The following TMTC2 variants were observed in gnomAD, a reference collection of about 807,000 sequenced individuals.
TMTC2 encodes the protein transmembrane O-mannosyltransferase targeting cadherins 2, also known as protein O-mannosyl-transferase TMTC2.
Under a neutral mutation model 82.4 loss-of-function variants are expected in TMTC2, and 43 were observed. That is an observed-to-expected ratio of 0.52 (90% confidence interval 0.41 to 0.67). The LOEUF (loss-of-function observed/expected upper bound fraction) is 0.67, where lower values mean the gene tolerates loss of function less well. Among genes scored for constraint, TMTC2 ranks in the 30% least tolerant of loss-of-function variants. TMTC2 has a pLI of 0.00. For missense variants in TMTC2, 919 were observed against 1,012.4 expected, an observed-to-expected ratio of 0.91 and a Z score of 1.25; for synonymous variants, 408 against 381.9, an observed-to-expected ratio of 1.07 and a Z score of -0.80.
chr12:82,848,964 G>A lies in TMTC2; in HGVS notation c.84-8046G>A, dbSNP rs570339361. Among the ~76,000 whole-genome samples, 17 of 152,280 alleles carry A rather than the reference G, an allele frequency of 1.1e-4. No homozygotes were observed. In the East Asian group the frequency reaches 2.5e-3, roughly 22 times the overall value. On this transcript the variant is annotated intron_variant, in intron 1 of 11. Coordinates refer to ENST00000321196, the MANE Select transcript of TMTC2 (RefSeq NM_152588.3). ...TAGAGGGGGAAAAGAAATGGTTTGAGCGGCAGCATAGAGGAAGGGAAGTTT... is the reference window on the plus strand; with the variant it reads ...TAGAGGGGGAAAAGAAATGGTTTGAACGGCAGCATAGAGGAAGGGAAGTTT...
At chr12:83,036,468 G>A (rs967908126) in intron 9 of TMTC2, among the ~76,000 whole-genome samples, 2 of 143,110 alleles carry the variant, frequency 1.4e-5, no homozygotes, top group Admixed American at 1.4e-4. Flanking sequence ...ATGTTTTCTT[G>A]TCCCCGAGTC....
chr12:82,717,976 G>A (rs1413560140), intron 1 of TMTC2, among the ~76,000 whole-genome samples: 2 of 152,134 alleles, frequency 1.3e-5, no homozygotes, highest in Non-Finnish European at 2.9e-5. Context: ...ATGAAACCAA[G>A]TAGCAGGAGC....
intron 4 of TMTC2, among the ~76,000 whole-genome samples, chr12:82,936,155 G>T (rs1344073261): frequency 6.6e-6 from 1 of 151,820 alleles, no homozygotes; most frequent in Non-Finnish European, 1.5e-5. Context: ...AATATTAATG[G>T]TCAATATTGG....
chr12:82,964,729 A>T (rs1442178584), intron 4 of TMTC2, among the ~76,000 whole-genome samples: 19 of 152,130 alleles, frequency 1.2e-4, no homozygotes. Context: ...GGTGGTTAGT[A>T]ATTCTAGTGG....
At chr12:82,967,879 A>C (rs1878287291) in intron 7 of TMTC2, among the ~76,000 whole-genome samples, 1 of 152,100 alleles carries the variant, frequency 6.6e-6, no homozygotes, top group Non-Finnish European at 1.5e-5. Flanking sequence ...AAAATAAATG[A>C]GATTAGACTA....
At chr12:82,987,402 C>A (rs1211971595) in intron 8 of TMTC2, among the ~76,000 whole-genome samples, 7 of 8,986 alleles carry the variant, frequency 7.8e-4, no homozygotes, top group Admixed American at 7.7e-3. Context: ...CCAGCCTGGG[C>A]AACAGAGACT....
intron 1 of TMTC2, among the ~76,000 whole-genome samples, chr12:82,772,024 G>A (rs376659191): frequency 1.4e-3 from 218 of 152,296 alleles, no homozygotes; most frequent in African/African-American, 5.1e-3. Flanking sequence ...CTCTGCTGCT[G>A]TCAATTGGAT....
At chr12:82,870,411 C>T (rs1004249801) in intron 2 of TMTC2, among the ~76,000 whole-genome samples, 2 of 152,096 alleles carry the variant, frequency 1.3e-5, no homozygotes, top group African/African-American at 4.8e-5. Flanking sequence ...TTGGTTATTT[C>T]CTTTACTAAC....
chr12:82,949,454 G>A (rs1877227797), intron 4 of TMTC2, among the ~76,000 whole-genome samples: 1 of 152,120 alleles, frequency 6.6e-6, no homozygotes, highest in South Asian at 2.1e-4. Context: ...GAAGGGTAAT[G>A]GGGAAAGGGG....
chr12:82,991,174 T>A (rs1243958697), intron 8 of TMTC2, among the ~76,000 whole-genome samples: 1 of 152,188 alleles, frequency 6.6e-6, no homozygotes, highest in Admixed American at 6.5e-5. Context: ...GAATTGAATA[T>A]AACTTCAAGG....
chr12:82,817,116 C>T (rs1482508239), intron 1 of TMTC2, among the ~76,000 whole-genome samples: 8 of 151,570 alleles, frequency 5.3e-5, no homozygotes, highest in Non-Finnish European at 8.8e-5. Context: ...TATAGGCGCC[C>T]GCCACCACAC....
rs764657985 is a variant in TMTC2, at chr12:82,896,030, C to A, written c.867C>A (p.Thr289=). 25 of 1,613,794 alleles carry A rather than the reference C, an allele frequency of 1.5e-5. 1 individual carries two copies. The South Asian group carries it at 2.6e-4, about 17-fold the overall frequency. ...KNLWLLLCPD[T]LSFDWSMDAV... is the part of the protein sequence containing the mutation. ...TCTGGCTGTTGCTATGTCCAGATACCCTCAGTTTTGATTGGTCAATGGATG... is the reference window on the plus strand; with the variant it reads ...TCTGGCTGTTGCTATGTCCAGATACACTCAGTTTTGATTGGTCAATGGATG... Residue 289 remains threonine, a synonymous_variant, in exon 3 of 12, where the codon ACC becomes ACA. Transcript: ENST00000321196.
chr12:83,056,436 C>G (rs1882545778), intron 10 of TMTC2, among the ~76,000 whole-genome samples: 1 of 151,864 alleles, frequency 6.6e-6, no homozygotes, highest in Admixed American at 6.6e-5. Flanking sequence ...GAATCATTAT[C>G]TTTTAATTTT....
chr12:82,958,011 C>T (rs1216602652), intron 4 of TMTC2, among the ~76,000 whole-genome samples: 1 of 152,020 alleles, frequency 6.6e-6, no homozygotes, highest in Non-Finnish European at 1.5e-5. Flanking sequence ...CGGACCCCTC[C>T]CTGACTCATT....
intron 1 of TMTC2, among the ~76,000 whole-genome samples, chr12:82,700,054 C>T (rs1005840194): frequency 6.6e-6 from 1 of 151,940 alleles, no homozygotes; most frequent in African/African-American, 2.4e-5. Context: ...AAATGTGATG[C>T]CATTTTATAT....
At chr12:82,698,057 G>A (rs7961953) in intron 1 of TMTC2, among the ~76,000 whole-genome samples, 23,837 of 152,140 alleles carry the variant, frequency 0.16, 2,117 homozygotes, top group East Asian at 0.36. Flanking sequence ...GCTTCGGCCT[G>A]TATGACTTTT....
intron 1 of TMTC2, among the ~76,000 whole-genome samples, chr12:82,754,286 AAAAAC>A (rs1592902106): frequency 1.3e-5 from 2 of 152,164 alleles, no homozygotes; most frequent in South Asian, 2.1e-4. Context: ...TTATTTTTTA[AAAAAC>A]AAAACAAAAC....
intron 10 of TMTC2, among the ~76,000 whole-genome samples, chr12:83,054,973 C>A (rs1288690379): frequency 6.6e-6 from 1 of 151,990 alleles, no homozygotes; most frequent in Non-Finnish European, 1.5e-5. Context: ...GTTCTATAAC[C>A]TACAGACTCT....
At chr12:82,828,942 C>A (rs1011717601) in intron 1 of TMTC2, among the ~76,000 whole-genome samples, 1 of 151,884 alleles carries the variant, frequency 6.6e-6, no homozygotes, top group Non-Finnish European at 1.5e-5. Context: ...GCTCTTAGTA[C>A]CCTTAAAACG....
Sources: allele counts gnomAD v4.1 joint callset (sites outside exome capture counted in the v4.1 genomes callset), GRCh38; gene constraint gnomAD v4.1.1; transcripts MANE v1.5; gene names NCBI Gene and HGNC (gene_info 2026-07-23, HGNC 2026-07-21).